The following ABCD3 variants were observed in gnomAD, a reference collection of about 807,000 sequenced individuals.
ABCD3 encodes ATP-binding cassette sub-family D member 3.
ABCD3 carries 41 observed loss-of-function variants against 105.5 expected under a neutral mutation model. That is an observed-to-expected ratio of 0.39 (90% CI 0.30 to 0.50). The LOEUF is 0.50. ABCD3 is among the 20% of genes least tolerant of loss of function. ABCD3 has a pLI of 0.84. For synonymous variants in ABCD3, 258 were observed against 269.0 expected (o/e 0.96, Z 0.40); for missense variants, 622 against 806.3 (o/e 0.77, Z 2.77).
At chr1:94,511,216 G>T (rs887674167) in intron 21 of ABCD3, among the ~76,000 whole-genome samples, 1 of 151,992 alleles carries the variant, frequency 6.6e-6, no homozygotes. Context: ...GCATTTGCTT[G>T]TCTGTAAAGT....
At chr1:94,411,169 A>G in the ABCD3 span, among the ~76,000 whole-genome samples, 2 of 152,318 alleles carry the variant, frequency 1.3e-5, no homozygotes, top group African/African-American at 2.4e-5. Flanking sequence ...GTATTAAAGG[A>G]CACTATTAAG....
At chr1:94,387,339 G>C in the ABCD3 span, among the ~76,000 whole-genome samples, 2 of 152,096 alleles carry the variant, frequency 1.3e-5, no homozygotes, top group African/African-American at 4.8e-5. Flanking sequence ...TGCCTTAACT[G>C]GGGCATTTTT....
chr1:94,494,760 A>T lies in ABCD3; in HGVS notation c.1386+3513A>T, dbSNP rs537805553. On this transcript the variant is annotated intron_variant, in intron 16 of 22. Coordinates refer to ENST00000370214, the MANE Select transcript of ABCD3 (RefSeq NM_002858.4). ...AGACATATTTATCTGTCTAGATATT[A>T]TTCTGGGAAGTATGTAGACTGGAGA... 5.3e-5 allele frequency among the ~76,000 whole-genome samples: 8 copies of T among 152,292 alleles called. No individual in the cohort carries two copies. The East Asian group carries it at 1.4e-3, about 26-fold the overall frequency.
the ABCD3 span, among the ~76,000 whole-genome samples, chr1:94,386,347 G>A: frequency 9.0e-4 from 137 of 152,292 alleles, no homozygotes; most frequent in African/African-American, 2.8e-3. Flanking sequence ...GAAACAATAC[G>A]CGTAGAGTTT....
intron 1 of ABCD3, among the ~76,000 whole-genome samples, chr1:94,444,887 A>G (rs1441538896): frequency 6.6e-6 from 1 of 152,198 alleles, no homozygotes; most frequent in Non-Finnish European, 1.5e-5. Flanking sequence ...AATGGCCACG[A>G]TGCCCATGCT....
chr1:94,511,897 AC>A (rs1034758596), intron 21 of ABCD3, among the ~76,000 whole-genome samples: 46 of 151,902 alleles, frequency 3.0e-4, no homozygotes, highest in African/African-American at 1.1e-3. Context: ...ATTCTTCTAA[AC>A]TTTTTTCAAA....
Position 94,475,772 on chromosome 1 carries a change from T to A in ABCD3, c.627+35T>A, listed in dbSNP as rs575746546. The A allele has an allele frequency of 9.6e-6, 15 of 1,557,170 alleles. No individual in the cohort carries two copies. The East Asian group carries it at 3.2e-4, about 33-fold the overall frequency. Reference sequence around the variant, plus strand: ...TCTCCTTTTTAAAAGATTATTTGTTTAATTTTTTGAATTTTGAATCTAAGC... The same window carrying A: ...TCTCCTTTTTAAAAGATTATTTGTTAAATTTTTTGAATTTTGAATCTAAGC... On this transcript the variant is annotated intron_variant, in intron 7 of 22. Transcript: ENST00000370214.
the ABCD3 span, among the ~76,000 whole-genome samples, chr1:94,405,187 G>A: frequency 6.6e-6 from 1 of 152,052 alleles, no homozygotes; most frequent in African/African-American, 2.4e-5. Context: ...TAGGGTAAAT[G>A]CCTGTATAGT....
At chr1:94,396,278 T>A in the ABCD3 span, among the ~76,000 whole-genome samples, 1 of 152,208 alleles carries the variant, frequency 6.6e-6, no homozygotes, top group Admixed American at 6.5e-5. Context: ...TATCTCATAG[T>A]GCTATTGTGA....
chr1:94,516,623 T>A (rs1032473109), intron 22 of ABCD3, among the ~76,000 whole-genome samples: 1 of 151,738 alleles, frequency 6.6e-6, no homozygotes, highest in Admixed American at 6.6e-5. Context: ...AGCTAAGAAA[T>A]AGTAATACAG....
In ABCD3 at chr1:94,487,762, C is replaced by T; in HGVS notation, c.1036C>T (p.Leu346Phe). ...CTTAGATTTGTCTCATCCTCGACAT[C>T]TCAAGAGTACACATTCGGAACTTCT... ...PFLDLSHPRH[L>F]KSTHSELLED... Residue 346 changes from leucine to phenylalanine, a missense_variant, in exon 12 of 23, where the codon CTC (leucine) becomes TTC (phenylalanine). This residue lies in a region of ABCD3 where 245 missense variants were observed against 356.4 expected (regional missense o/e 0.69). Transcript: ENST00000370214. The T allele has an allele frequency of 6.2e-7, 1 of 1,613,956 alleles. No homozygotes were observed. The highest frequency in any genetic ancestry group is 8.5e-7 in the Non-Finnish European group (1 of 1,179,940).
chr1:94,473,376 TA>T (rs1310902510), intron 4 of ABCD3, among the ~76,000 whole-genome samples: 4 of 152,268 alleles, frequency 2.6e-5, no homozygotes, highest in Admixed American at 1.3e-4. Flanking sequence ...AGAATCAGAT[TA>T]TTAAAATATT....
At chr1:94,466,280 T>C (rs1262813937) in intron 3 of ABCD3, among the ~76,000 whole-genome samples, 1 of 152,218 alleles carries the variant, frequency 6.6e-6, no homozygotes, top group Non-Finnish European at 1.5e-5. Context: ...ATTATAAATG[T>C]TCTTTCTAAG....
intron 20 of ABCD3, among the ~76,000 whole-genome samples, chr1:94,504,541 A>T (rs1484672072): frequency 6.6e-6 from 1 of 152,150 alleles, no homozygotes; most frequent in Non-Finnish European, 1.5e-5. Context: ...GAAAAGAATG[A>T]TGTGTGTTTA....
In ABCD3 at chr1:94,467,946, A is replaced by AT; in HGVS notation, c.275dup (p.Met92IlefsTer9). ...AGGTTACTTGGTACTTATTGCTGTT[A>AT]TGCTGGTGTCTCGAACATATTGTGA... is the stretch of plus-strand genomic sequence containing the variant. On this transcript the variant is annotated frameshift_variant, in exon 4 of 23. Transcript: ENST00000370214. LOFTEE classifies it high-confidence loss of function. 6.2e-7 allele frequency: 1 copy of AT among 1,613,454 alleles called. No homozygotes were observed. Among genetic ancestry groups the AT allele is most frequent in the Non-Finnish European group, 8.5e-7 (1 of 1,179,574 alleles).
intron 1 of ABCD3, among the ~76,000 whole-genome samples, chr1:94,446,966 CAT>C (rs1050932630): frequency 3.3e-5 from 5 of 152,164 alleles, no homozygotes; most frequent in Non-Finnish European, 7.3e-5. Flanking sequence ...TTAGAGTCAA[CAT>C]ATGATGCCTG....
At chr1:94,423,086 A>G (rs1323755771) in intron 1 of ABCD3, among the ~76,000 whole-genome samples, 2 of 151,868 alleles carry the variant, frequency 1.3e-5, no homozygotes, top group African/African-American at 4.8e-5. Flanking sequence ...AACAGGCCAC[A>G]CTCATTTTTG....
At chr1:94,495,613 G>A (rs1649763006) in intron 16 of ABCD3, among the ~76,000 whole-genome samples, 1 of 152,146 alleles carries the variant, frequency 6.6e-6, no homozygotes, top group East Asian at 1.9e-4. Flanking sequence ...AGTAAGTCTG[G>A]TTATTATTTA....
chr1:94,500,240 T>C (rs1029222201), intron 20 of ABCD3, among the ~76,000 whole-genome samples: 1 of 151,984 alleles, frequency 6.6e-6, no homozygotes, highest in African/African-American at 2.4e-5. Context: ...GTAGTAAGAA[T>C]GAGACCAGCC....
Sources: allele counts gnomAD v4.1 joint callset (sites outside exome capture counted in the v4.1 genomes callset), GRCh38; gene constraint gnomAD v4.1.1; regional missense constraint gnomAD v4.1.1; transcripts MANE v1.5; gene names NCBI Gene and HGNC (gene_info 2026-07-23, HGNC 2026-07-21).